CTNNA3: variants seen among roughly 807,000 people sequenced by gnomAD.
CTNNA3 encodes catenin alpha 3.
A neutral mutation model predicts 95.7 loss-of-function variants in CTNNA3; 76 were observed. The ratio of observed to expected loss-of-function variants is 0.79; its 90% CI spans 0.66 to 0.96. The LOEUF (loss-of-function observed/expected upper bound fraction) is 0.96, where lower values mean the gene tolerates loss of function less well. CTNNA3 is among the 40% of genes least tolerant of loss of function. The pLI, the probability that CTNNA3 is intolerant of heterozygous loss-of-function variation, is 0.00. For synonymous variants in CTNNA3, 431 were observed against 374.4 expected, an observed-to-expected ratio of 1.15 and a Z score of -1.74; for missense variants, 1,191 against 1,089.8, an observed-to-expected ratio of 1.09 and a Z score of -1.31.
intron 11 of CTNNA3, among the ~76,000 whole-genome samples, chr10:66,469,244 T>C (rs1443282794): frequency 1.3e-5 from 2 of 151,902 alleles, no homozygotes; most frequent in African/African-American, 2.4e-5. Flanking sequence ...GAAAAAACAT[T>C]ACTGGAAGCT....
intron 13 of CTNNA3, among the ~76,000 whole-genome samples, chr10:66,164,982 G>C (rs2085050474): frequency 6.6e-6 from 1 of 152,182 alleles, no homozygotes; most frequent in Middle Eastern, 3.4e-3. Context: ...GAAAATTTCT[G>C]TTCCTATCTG....
At chr10:67,069,320 A>C (rs1856290090) in intron 7 of CTNNA3, among the ~76,000 whole-genome samples, 2 of 152,084 alleles carry the variant, frequency 1.3e-5, no homozygotes, top group Non-Finnish European at 2.9e-5. Context: ...CAATGCAGAA[A>C]TGCCTTCCAA....
chr10:67,368,997 C>A (rs1474062282), intron 5 of CTNNA3, among the ~76,000 whole-genome samples: 1 of 152,148 alleles, frequency 6.6e-6, no homozygotes, highest in Non-Finnish European at 1.5e-5. Context: ...AAATTGTACA[C>A]TTAAAATGTA....
intron 13 of CTNNA3, 120 bp from the exon 14 acceptor site, chr10:66,103,369 C>T: frequency 1.4e-6 from 1 of 724,324 alleles, no homozygotes; most frequent in Non-Finnish European, 2.4e-6. Flanking sequence ...AGCAATTTCA[C>T]TCCCAGTTAT....
At chr10:67,001,170 G>A (rs879532634) in intron 7 of CTNNA3, among the ~76,000 whole-genome samples, 1 of 151,104 alleles carries the variant, frequency 6.6e-6, no homozygotes, top group Admixed American at 6.6e-5. Flanking sequence ...GGGTGGTGGT[G>A]TGTGCCTGTA....
At chr10:67,025,365 T>C (rs1853307618) in intron 7 of CTNNA3, among the ~76,000 whole-genome samples, 2 of 151,618 alleles carry the variant, frequency 1.3e-5, no homozygotes, top group Admixed American at 1.3e-4. Flanking sequence ...ACTAAAAACA[T>C]GGTTTTGTAA....
intron 7 of CTNNA3, among the ~76,000 whole-genome samples, chr10:66,964,883 AC>A (rs1440813157): frequency 6.6e-6 from 1 of 152,104 alleles, no homozygotes; most frequent in Non-Finnish European, 1.5e-5. Context: ...TCAAAATTAA[AC>A]CCTGACTAAT....
chr10:67,328,997 C>A (rs888143652), intron 5 of CTNNA3, among the ~76,000 whole-genome samples: 1 of 151,852 alleles, frequency 6.6e-6, no homozygotes, highest in Non-Finnish European at 1.5e-5. Context: ...CCAGATAAAC[C>A]CATAAGTGAT....
chr10:66,932,775 C>A (rs920927758), intron 7 of CTNNA3, among the ~76,000 whole-genome samples: 14 of 152,184 alleles, frequency 9.2e-5, no homozygotes, highest in Middle Eastern at 3.2e-3. Flanking sequence ...GACCCAAATT[C>A]TTTTAGCCTC....
intron 10 of CTNNA3, among the ~76,000 whole-genome samples, chr10:66,575,563 C>T (rs1415912809): frequency 6.6e-6 from 1 of 152,108 alleles, no homozygotes; most frequent in South Asian, 2.1e-4. Context: ...TTATTAGTCT[C>T]ATTTTGAAGA....
At chr10:67,728,467 T>A (rs1589583340) in intron 1 of CTNNA3, among the ~76,000 whole-genome samples, 1 of 151,008 alleles carries the variant, frequency 6.6e-6, no homozygotes, top group Admixed American at 6.6e-5. Flanking sequence ...ATATACATAT[T>A]TTTTCTTTTT....
chr10:66,962,013 C>G (rs1404828350), intron 7 of CTNNA3, among the ~76,000 whole-genome samples: 1 of 152,156 alleles, frequency 6.6e-6, no homozygotes, highest in Non-Finnish European at 1.5e-5. Flanking sequence ...ATTTTACTAA[C>G]CATATTGCCA....
At chr10:66,382,404 C>T (rs2092848117) in intron 11 of CTNNA3, among the ~76,000 whole-genome samples, 1 of 152,122 alleles carries the variant, frequency 6.6e-6, no homozygotes, top group Non-Finnish European at 1.5e-5. Flanking sequence ...GCTGAGGCTT[C>T]AGTAGATAAA....
intron 7 of CTNNA3, among the ~76,000 whole-genome samples, chr10:67,136,678 G>A (rs765770723): frequency 6.6e-6 from 1 of 152,042 alleles, no homozygotes; most frequent in Non-Finnish European, 1.5e-5. Flanking sequence ...CTCTAGAAAA[G>A]TCTTTCAATT....
intron 5 of CTNNA3, among the ~76,000 whole-genome samples, chr10:67,294,425 T>C (rs1839956833): frequency 6.6e-6 from 1 of 152,160 alleles, no homozygotes; most frequent in African/African-American, 2.4e-5. Context: ...AATAATATGT[T>C]CCCTTCTGTT....
At chr10:67,719,470 A>G (rs1841165103) in intron 1 of CTNNA3, among the ~76,000 whole-genome samples, 1 of 152,042 alleles carries the variant, frequency 6.6e-6, no homozygotes, top group Non-Finnish European at 1.5e-5. Context: ...CACTGCTTTG[A>G]ATGTGTCCCA....
At chr10:65,997,643 A>T (rs1265412825) in intron 15 of CTNNA3, among the ~76,000 whole-genome samples, 1 of 152,180 alleles carries the variant, frequency 6.6e-6, no homozygotes, top group Non-Finnish European at 1.5e-5. Context: ...GCCTATAAGA[A>T]CACCATTCAT....
At chr10:65,981,234 G>GT (rs2078313352) in intron 16 of CTNNA3, among the ~76,000 whole-genome samples, 1 of 151,366 alleles carries the variant, frequency 6.6e-6, no homozygotes, top group Non-Finnish European at 1.5e-5. Context: ...GAACTCAACC[G>GT]TTTTTTTACA....
At chr10:66,747,305 AAAT>A (rs746336661) in intron 9 of CTNNA3, among the ~76,000 whole-genome samples, 6 of 152,190 alleles carry the variant, frequency 3.9e-5, no homozygotes, top group Non-Finnish European at 8.8e-5. Context: ...ACTCTTAGGA[AAAT>A]AATAAATAAA....
Sources: gnomAD v4.1 joint callset for allele counts (sites outside exome capture counted in the v4.1 genomes callset) on GRCh38, gnomAD v4.1.1 for gene constraint, MANE v1.5 for transcripts, NCBI Gene and HGNC (gene_info 2026-07-23, HGNC 2026-07-21) for gene names.